The following CHN1 variants were observed in gnomAD, a reference collection of about 807,000 sequenced individuals.
CHN1 encodes chimerin 1, also known as N-chimaerin.
In CHN1, 37 loss-of-function variants were observed where a neutral mutation model predicts 59.5. That is an observed-to-expected ratio of 0.62 (90% CI 0.48 to 0.82). CHN1 has a LOEUF of 0.82. CHN1 is among the 40% of genes least tolerant of loss of function. The probability of loss-of-function intolerance (pLI) is 0.00; values close to 1 mark genes in which losing one functional copy is unlikely to be tolerated. For synonymous variants in CHN1, 206 were observed against 200.4 expected (o/e 1.03, Z -0.24); for missense variants, 469 against 571.0 (o/e 0.82, Z 1.82).
chr2:174,998,333 T>TAA (rs58157163), intron 1 of CHN1, among the ~76,000 whole-genome samples: 62 of 132,048 alleles, frequency 4.7e-4, no homozygotes, highest in Non-Finnish European at 8.8e-4. Flanking sequence ...GATACGAGAT[T>TAA]AAAAAAAAAA....
rs71031072 is a variant in CHN1 at position 174,847,773 on chromosome 2, CAAAAAAAAAAAA to C, written c.550-828_550-817del. 62 of 238,334 alleles carry C rather than the reference CAAAAAAAAAAAA, an allele frequency of 2.6e-4. 1 individual carries two copies. Among genetic ancestry groups the C allele is most frequent in the Admixed American group, 6.9e-4 (11 of 16,012 alleles). The allele number at this position is 238,334 out of a possible 1,614,324, so 14.8% of individuals were successfully genotyped here. A position where few individuals can be genotyped will look rare whatever the true frequency, so the allele number is the denominator to read the frequency against. On this transcript the variant is annotated intron_variant, in intron 6 of 12. Coordinates refer to ENST00000409900, the MANE Select transcript of CHN1 (RefSeq NM_001822.7). ...AAGTAAGTTTCTTGCTGGCTCAAGG[CAAAAAAAAAAAA>C]AAAAAAAAAAAAAAAATCAGTGGGA...
intron 6 of CHN1, among the ~76,000 whole-genome samples, chr2:174,874,166 C>T (rs978557993): frequency 6.6e-6 from 1 of 152,172 alleles, no homozygotes; most frequent in African/African-American, 2.4e-5. Flanking sequence ...ATCATTAAAA[C>T]TATTGCATTC....
At chr2:174,944,999 A>G (rs1192779312) in intron 2 of CHN1, 56 bp from the exon 3 acceptor site, 5 of 1,257,418 alleles carry the variant, frequency 4.0e-6, no homozygotes, top group African/African-American at 3.0e-5. Context: ...ACTTATCAAT[A>G]TATTAGAAAT....
chr2:174,874,814 GA>G (rs1269398367), intron 6 of CHN1, among the ~76,000 whole-genome samples: 1 of 151,232 alleles, frequency 6.6e-6, no homozygotes, highest in Non-Finnish European at 1.5e-5. Flanking sequence ...ATTAAGTCAT[GA>G]ATAACGCAGA....
At chr2:174,885,038 A>T (rs11691758) in intron 5 of CHN1, among the ~76,000 whole-genome samples, 48,466 of 151,730 alleles carry the variant, frequency 0.32, 8,987 homozygotes, top group Admixed American at 0.45. Context: ...CTGTAATCCC[A>T]GCACTTTGGG....
chr2:174,806,498 A>T (rs1684889099), intron 11 of CHN1, among the ~76,000 whole-genome samples: 6 of 152,192 alleles, frequency 3.9e-5, no homozygotes, highest in African/African-American at 1.4e-4. Flanking sequence ...CCTCGTTTGA[A>T]AGGGGTTCTT....
At chr2:174,899,366 G>C (rs1688317625) in intron 5 of CHN1, among the ~76,000 whole-genome samples, 1 of 152,182 alleles carries the variant, frequency 6.6e-6, no homozygotes, top group Non-Finnish European at 1.5e-5. Flanking sequence ...TCTTGTCCCT[G>C]TGTCTGTGAC....
rs1267199698 is a variant in CHN1 at position 174,824,444 on chromosome 2, C to T, written c.702G>A (p.Val234=). 1 of 1,604,938 alleles carries T rather than the reference C, an allele frequency of 6.2e-7. No homozygotes were observed. The highest frequency in any genetic ancestry group is 1.7e-5 in the Admixed American group (1 of 59,218). Reference sequence around the variant, plus strand: ...GACAAGAGCTCTTACCTGCACATTTCACTCCCTGAGCAATGAGACCCCACA... The same window carrying T: ...GACAAGAGCTCTTACCTGCACATTTTACTCCCTGAGCAATGAGACCCCACA... ...NFMWGLIAQG[V]KCADCGLNVH... Residue 234 remains valine, a synonymous_variant, in exon 8 of 13, where the codon GTG becomes GTA. Coordinates refer to ENST00000409900, the MANE Select transcript of CHN1 (RefSeq NM_001822.7).
chr2:174,990,714 T>G (rs1691521171), intron 1 of CHN1, among the ~76,000 whole-genome samples: 1 of 152,268 alleles, frequency 6.6e-6, no homozygotes, highest in African/African-American at 2.4e-5. Flanking sequence ...GAAGCATTTC[T>G]CTTCCCAGGA....
intron 1 of CHN1, among the ~76,000 whole-genome samples, chr2:174,971,089 T>C (rs1019410547): frequency 1.3e-5 from 2 of 152,096 alleles, no homozygotes; most frequent in African/African-American, 4.8e-5. Context: ...GAGGCTGAGG[T>C]GGGTGGATCA....
At chr2:174,916,708 C>G (rs1343201122) in intron 4 of CHN1, among the ~76,000 whole-genome samples, 1 of 152,148 alleles carries the variant, frequency 6.6e-6, no homozygotes, top group Non-Finnish European at 1.5e-5. Flanking sequence ...TTACAATGGG[C>G]TCCTGAATTT....
At chr2:174,848,739 CAGTCTTT>C (rs1273695284) in intron 6 of CHN1, among the ~76,000 whole-genome samples, 1 of 152,104 alleles carries the variant, frequency 6.6e-6, no homozygotes, top group African/African-American at 2.4e-5. Context: ...TTGTTTACTT[CAGTCTTT>C]AGTCCCTTTT....
chr2:174,990,345 TGGAG>T (rs1291591239), intron 1 of CHN1, among the ~76,000 whole-genome samples: 1 of 120,996 alleles, frequency 8.3e-6, no homozygotes, highest in Admixed American at 8.6e-5. Flanking sequence ...GCGGGCAAGA[TGGAG>T]AGGGAGGGAG....
intron 1 of CHN1, among the ~76,000 whole-genome samples, chr2:174,954,043 T>C (rs939103903): frequency 2.0e-5 from 3 of 152,196 alleles, no homozygotes; most frequent in Non-Finnish European, 4.4e-5. Context: ...TTTCAAACTA[T>C]ACTATAAGGC....
chr2:174,802,601 T>C (rs1337802232), intron 11 of CHN1, among the ~76,000 whole-genome samples: 1 of 152,214 alleles, frequency 6.6e-6, no homozygotes, highest in African/African-American at 2.4e-5. Context: ...ACCCAGCACA[T>C]TCCTTTGAGA....
At chr2:174,919,084 G>A (rs991217351) in intron 3 of CHN1, among the ~76,000 whole-genome samples, 6 of 152,102 alleles carry the variant, frequency 3.9e-5, no homozygotes, top group African/African-American at 2.4e-5. Context: ...TAAATGCCCA[G>A]GAATTTTCAC....
At chr2:174,864,891 A>G (rs1167463853) in intron 6 of CHN1, among the ~76,000 whole-genome samples, 1 of 152,102 alleles carries the variant, frequency 6.6e-6, no homozygotes, top group East Asian at 1.9e-4. Context: ...AAATAAAATA[A>G]AATGCACTTG....
At chr2:174,815,942 G>A (rs1048141601) in intron 8 of CHN1, among the ~76,000 whole-genome samples, 3 of 152,096 alleles carry the variant, frequency 2.0e-5, no homozygotes, top group Admixed American at 2.0e-4. Context: ...CTACTGCAGT[G>A]CTATTGTGCC....
At chr2:174,993,169 T>A (rs1559014268) in intron 1 of CHN1, among the ~76,000 whole-genome samples, 1 of 142,806 alleles carries the variant, frequency 7.0e-6, no homozygotes, top group Non-Finnish European at 1.5e-5. Context: ...TCAGTAAGAA[T>A]CCTGTTATGT....
Sources: allele counts gnomAD v4.1 joint callset (sites outside exome capture counted in the v4.1 genomes callset), GRCh38; gene constraint gnomAD v4.1.1; transcripts MANE v1.5; gene names NCBI Gene and HGNC (gene_info 2026-07-23, HGNC 2026-07-21).